RBM19: variants seen among roughly 807,000 people sequenced by gnomAD.
RBM19 encodes the protein probable RNA-binding protein 19.
RBM19 carries 94 observed loss-of-function variants against 116.8 expected under a neutral mutation model. The ratio of observed to expected loss-of-function variants is 0.80; its 90% confidence interval spans 0.68 to 0.95. The LOEUF (loss-of-function observed/expected upper bound fraction) is 0.95. RBM19 is among the 40% of genes least tolerant of loss of function. RBM19 has a pLI of 0.00. For synonymous variants in RBM19, 475 were observed against 494.1 expected (o/e 0.96, Z 0.51); for missense variants, 1,161 against 1,220.7 (o/e 0.95, Z 0.73).
At position 113,898,230 on chromosome 12, in the gene RBM19, T is replaced by C. The variant is rs770145998; in HGVS notation, c.2558+16739A>G. ...GTGGGGGTGGAGAGGATTTGCTCTT[T>C]TTGTAGGACAATTTCAGGTTTTTCT... On this transcript the variant is annotated intron_variant, in intron 21 of 23. Coordinates refer to ENST00000261741, the MANE Select transcript of RBM19 (RefSeq NM_016196.4). The surrounding 1 kb of genome is among the most constrained non-coding windows in gnomAD (Gnocchi z 4.3). 3.3e-5 allele frequency among the ~76,000 whole-genome samples: 5 copies of C among 152,214 alleles called. No homozygotes were observed. The highest frequency in any genetic ancestry group is 4.8e-5 in the African/African-American group (2 of 41,464).
intron 21 of RBM19, among the ~76,000 whole-genome samples, chr12:113,906,456 G>A (rs1000965786): frequency 6.6e-6 from 1 of 152,182 alleles, no homozygotes; most frequent in African/African-American, 2.4e-5. Flanking sequence ...GCTCTTGGTG[G>A]GGGGCAGGTA....
Position 113,958,064 on chromosome 12 carries a change from G to A in RBM19, c.572-14C>T. The A allele has an allele frequency of 6.2e-7, 1 of 1,601,222 alleles. No homozygotes were observed. Among genetic ancestry groups the A allele is most frequent in the Non-Finnish European group, 8.5e-7 (1 of 1,173,798 alleles). ...GGCTTGCCTCTTCTGGAAAAACAGG[G>A]AAGCTGGGATCAGCGACAGCTATGA... is the stretch of plus-strand genomic sequence containing the variant. On this transcript the variant is annotated splice_polypyrimidine_tract_variant and intron_variant, in intron 5 of 23. Transcript: ENST00000261741.
In RBM19 at chr12:113,947,418, T is replaced by C; in HGVS notation, c.1323A>G (p.Lys441=). The C allele has an allele frequency of 6.2e-7, 1 of 1,610,238 alleles. No individual in the cohort carries two copies. Among genetic ancestry groups the C allele is most frequent in the South Asian group, 1.1e-5 (1 of 90,906 alleles). Residue 441 remains lysine (K), a synonymous_variant, in exon 11 of 24, where the codon AAA becomes AAG. Coordinates refer to ENST00000261741, the MANE Select transcript of RBM19 (RefSeq NM_016196.4). ...AGGTGATGAATGCAAAACCCTTGGG[T>C]TTCTTGGTCAGGCTGTCGATGGGGT... ...LHYPIDSLTK[K]PKGFAFITFM...
At chr12:113,832,832 G>C (rs530022741) in intron 23 of RBM19, among the ~76,000 whole-genome samples, 153 of 152,298 alleles carry the variant, frequency 1.0e-3, no homozygotes, top group African/African-American at 3.5e-3. Context: ...GAGTTTTAAA[G>C]CCCGATGATT....
chr12:113,903,902 T>C lies in RBM19; in HGVS notation c.2558+11067A>G, dbSNP rs985266076. Among the ~76,000 whole-genome samples, 1 of 152,214 alleles carries C rather than the reference T, an allele frequency of 6.6e-6. No homozygotes were observed. Among genetic ancestry groups the C allele is most frequent in the Non-Finnish European group, 1.5e-5 (1 of 68,030 alleles). On this transcript the variant is annotated intron_variant, in intron 21 of 23. Coordinates refer to ENST00000261741, the MANE Select transcript of RBM19 (RefSeq NM_016196.4). This position sits in a 1 kb window ranked among gnomAD's most constrained non-coding sequence, Gnocchi z 5.1. ...ACAGATTTAAGATGTGGTCATGCCA[T>C]AGAGGAGTTGAGACCTCTGGGATCC...
chr12:113,899,403 C>T (rs754445354), intron 21 of RBM19, among the ~76,000 whole-genome samples: 5 of 152,222 alleles, frequency 3.3e-5, no homozygotes, highest in Non-Finnish European at 7.3e-5. Context: ...TTGTATCTTA[C>T]AGCAAACCAG....
intron 23 of RBM19, among the ~76,000 whole-genome samples, chr12:113,829,797 G>A (rs1328274437): frequency 2.6e-5 from 4 of 152,200 alleles, no homozygotes; most frequent in East Asian, 1.9e-4. Flanking sequence ...GCCCGTTGAG[G>A]TGCCAGGCAA....
At chr12:113,882,010 C>T (rs947563187) in intron 21 of RBM19, among the ~76,000 whole-genome samples, 9 of 152,240 alleles carry the variant, frequency 5.9e-5, no homozygotes, top group African/African-American at 9.6e-5. Context: ...CCTCTTATAA[C>T]GGAGCTTCTG....
chr12:113,835,408 C>T (rs921735852), intron 23 of RBM19, among the ~76,000 whole-genome samples: 2 of 152,140 alleles, frequency 1.3e-5, no homozygotes, highest in Admixed American at 6.6e-5. Context: ...TAATTGCACA[C>T]GTGAGCACCT....
At chr12:113,924,194 G>A (rs965756636) in intron 18 of RBM19, among the ~76,000 whole-genome samples, 3 of 152,196 alleles carry the variant, frequency 2.0e-5, no homozygotes, top group South Asian at 2.1e-4. Context: ...CCACTGGCCT[G>A]GGAGGTGCAT....
At chr12:113,891,211 A>G (rs964576172) in intron 21 of RBM19, among the ~76,000 whole-genome samples, 25 of 152,188 alleles carry the variant, frequency 1.6e-4, no homozygotes, top group Admixed American at 3.9e-4. Context: ...TCTTCCCAGG[A>G]AACATCCCGC....
At chr12:113,854,460 C>T (rs375384715) in intron 22 of RBM19, among the ~76,000 whole-genome samples, 13 of 152,044 alleles carry the variant, frequency 8.6e-5, no homozygotes, top group African/African-American at 3.1e-4. Flanking sequence ...ACACCACCCC[C>T]ATTCTCCTTC....
At chr12:113,919,811 G>A (rs982123435) in intron 19 of RBM19, among the ~76,000 whole-genome samples, 1 of 151,910 alleles carries the variant, frequency 6.6e-6, no homozygotes, top group Non-Finnish European at 1.5e-5. Context: ...AACTGGCCAA[G>A]CCTGGATGAC....
chr12:113,944,093 GTTTTTTTT>G (rs71433305), intron 13 of RBM19, among the ~76,000 whole-genome samples: 52 of 67,668 alleles, frequency 7.7e-4, no homozygotes, highest in African/African-American at 1.2e-3. Flanking sequence ...CCAGATGCAT[GTTTTTTTT>G]TTTTTTTTTT....
At chr12:113,923,712 C>A (rs919887062) in intron 18 of RBM19, among the ~76,000 whole-genome samples, 4 of 152,246 alleles carry the variant, frequency 2.6e-5, no homozygotes, top group Admixed American at 1.3e-4. Flanking sequence ...CTCTGCCCCC[C>A]ACCCCTCCCA....
intron 18 of RBM19, among the ~76,000 whole-genome samples, chr12:113,921,561 C>T (rs1868560393): frequency 6.6e-6 from 1 of 152,150 alleles, no homozygotes; most frequent in African/African-American, 2.4e-5. Context: ...TTTGTGAGAC[C>T]TATGCTCCTG....
intron 21 of RBM19, among the ~76,000 whole-genome samples, chr12:113,913,252 T>C (rs3825209): frequency 0.043 from 6,508 of 152,144 alleles, 347 homozygotes; most frequent in Admixed American, 0.16. Flanking sequence ...AATCTGGCAG[T>C]TCTTAAGTTG....
chr12:113,940,170 G>A lies in RBM19; in HGVS notation c.1738-10C>T, dbSNP rs772260863. On this transcript the variant is annotated splice_polypyrimidine_tract_variant and intron_variant, in intron 14 of 23. Coordinates refer to ENST00000261741, the MANE Select transcript of RBM19 (RefSeq NM_016196.4). Reference sequence around the variant, plus strand: ...TTCGCTCTGCTGCAGCCTGCAAAGAGGAAATGCACACACATGGGACCACAG... The same window carrying A: ...TTCGCTCTGCTGCAGCCTGCAAAGAAGAAATGCACACACATGGGACCACAG... 1 of 1,610,336 alleles carries A rather than the reference G, an allele frequency of 6.2e-7. No individual in the cohort carries two copies. The highest frequency in any genetic ancestry group is 1.3e-5 in the African/African-American group (1 of 75,016).
chr12:113,852,613 G>T (rs1052449913), intron 22 of RBM19, among the ~76,000 whole-genome samples: 3 of 152,204 alleles, frequency 2.0e-5, no homozygotes, highest in African/African-American at 4.8e-5. Context: ...ATCCCTGGGG[G>T]CCCAGAGGAA....
Sources: allele counts gnomAD v4.1 joint callset (sites outside exome capture counted in the v4.1 genomes callset), GRCh38; gene constraint gnomAD v4.1.1; non-coding constraint Gnocchi (gnomAD v3.1); transcripts MANE v1.5; gene names NCBI Gene and HGNC (gene_info 2026-07-23, HGNC 2026-07-21).